The following LHFPL6 variants were observed in gnomAD, a reference collection of about 807,000 sequenced individuals.
LHFPL6 encodes LHFPL tetraspan subfamily member 6.
LHFPL6 carries 9 observed loss-of-function variants against 20.6 expected under a neutral mutation model. The observed-to-expected ratio is 0.44, with a 90% CI of 0.26 to 0.76. The LOEUF is 0.76. LHFPL6 is among the 30% of genes least tolerant of loss of function. The pLI is 0.20. For synonymous variants in LHFPL6, 105 were observed against 98.7 expected (o/e 1.06, Z -0.38); for missense variants, 218 against 253.5 (o/e 0.86, Z 0.95).
At chr13:39,475,311 A>C (rs866603261) in intron 2 of LHFPL6, among the ~76,000 whole-genome samples, 3 of 151,818 alleles carry the variant, frequency 2.0e-5, no homozygotes, top group African/African-American at 7.3e-5. Context: ...ACATGATCCT[A>C]ATCAGTTTAA....
intron 3 of LHFPL6, among the ~76,000 whole-genome samples, chr13:39,362,805 A>G (rs1408636220): frequency 1.3e-5 from 2 of 152,202 alleles, no homozygotes; most frequent in African/African-American, 4.8e-5. Flanking sequence ...AATTGAATCA[A>G]TTAAATAAAG....
intron 2 of LHFPL6, among the ~76,000 whole-genome samples, chr13:39,459,436 T>G (rs1188261312): frequency 6.6e-6 from 1 of 152,044 alleles, no homozygotes; most frequent in Non-Finnish European, 1.5e-5. Flanking sequence ...CTGATCACTG[T>G]GCCAGCTGCC....
At chr13:39,555,056 A>C (rs573747625) in intron 2 of LHFPL6, among the ~76,000 whole-genome samples, 1 of 152,214 alleles carries the variant, frequency 6.6e-6, no homozygotes, top group Non-Finnish European at 1.5e-5. Context: ...TTGCTCCATT[A>C]TCAAAAATAA....
intron 2 of LHFPL6, among the ~76,000 whole-genome samples, chr13:39,494,177 T>C (rs1248023543): frequency 2.0e-5 from 3 of 152,192 alleles, no homozygotes; most frequent in African/African-American, 7.2e-5. Context: ...GCTGAAGCAA[T>C]TACCCCTGTG....
chr13:39,503,490 C>T (rs1869367446), intron 2 of LHFPL6, among the ~76,000 whole-genome samples: 2 of 152,258 alleles, frequency 1.3e-5, no homozygotes, highest in Non-Finnish European at 2.9e-5. Flanking sequence ...TTTGCCATAG[C>T]ACAATCAGCT....
chr13:39,514,609 G>A (rs1869839378), intron 2 of LHFPL6, among the ~76,000 whole-genome samples: 1 of 152,174 alleles, frequency 6.6e-6, no homozygotes, highest in Non-Finnish European at 1.5e-5. Flanking sequence ...CTCCACCTGG[G>A]CAGTGCATTA....
In LHFPL6 at chr13:39,433,273, A is replaced by G. The variant is rs377115908; in HGVS notation, c.386-54747T>C. Among the ~76,000 whole-genome samples the G allele has an allele frequency of 1.2e-3, 190 of 152,362 alleles. 6 individuals are homozygous for G. The South Asian group carries it at 0.038, about 30-fold the overall frequency. ...ACCATGATGTATATTTAACTCTAGCAAACAAGTCAACCAATCAACTAAAAA... is the reference window on the plus strand; with the variant it reads ...ACCATGATGTATATTTAACTCTAGCGAACAAGTCAACCAATCAACTAAAAA... On this transcript the variant is annotated intron_variant, in intron 2 of 3. Coordinates refer to ENST00000379589, the MANE Select transcript of LHFPL6 (RefSeq NM_005780.3).
chr13:39,491,503 C>T (rs761162269), intron 2 of LHFPL6, among the ~76,000 whole-genome samples: 10 of 152,280 alleles, frequency 6.6e-5, no homozygotes, highest in Non-Finnish European at 1.5e-4. Flanking sequence ...GATAAACCAA[C>T]AGTTTTTAAT....
At chr13:39,396,659 G>C (rs1400702775) in intron 2 of LHFPL6, among the ~76,000 whole-genome samples, 1 of 152,140 alleles carries the variant, frequency 6.6e-6, no homozygotes, top group Non-Finnish European at 1.5e-5. Context: ...CCAGTGTGGT[G>C]GTGTGTGCCT....
At chr13:39,513,650 G>T (rs1402110200) in intron 2 of LHFPL6, among the ~76,000 whole-genome samples, 7 of 152,120 alleles carry the variant, frequency 4.6e-5, no homozygotes, top group Admixed American at 4.6e-4. Flanking sequence ...GCTTTTATAT[G>T]TTACCATAGT....
intron 2 of LHFPL6, among the ~76,000 whole-genome samples, chr13:39,547,040 T>G (rs991444306): frequency 1.3e-5 from 2 of 152,064 alleles, no homozygotes; most frequent in African/African-American, 4.8e-5. Context: ...TCCAATTTTC[T>G]GCCCTAACAG....
intron 3 of LHFPL6, among the ~76,000 whole-genome samples, chr13:39,348,439 C>A (rs1204918473): frequency 6.6e-6 from 1 of 152,132 alleles, no homozygotes. Flanking sequence ...CCGGGTGGAA[C>A]AAAGTCTGCA....
intron 2 of LHFPL6, among the ~76,000 whole-genome samples, chr13:39,490,758 TG>T (rs1255797531): frequency 3.9e-5 from 6 of 152,220 alleles, no homozygotes; most frequent in African/African-American, 1.4e-4. Context: ...AGGGGACAGC[TG>T]CTAAGGACAC....
intron 3 of LHFPL6, among the ~76,000 whole-genome samples, chr13:39,359,590 T>C (rs1869824509): frequency 6.6e-6 from 1 of 152,042 alleles, no homozygotes; most frequent in East Asian, 1.9e-4. Flanking sequence ...TGGATAAACA[T>C]GTACATAAAG....
rs150336372 is a variant in LHFPL6 at position 39,393,370 on chromosome 13, G to A, written c.386-14844C>T. ...AAGAATAATGCAGAAACAACCCAAA[G>A]ACAAGGCTATATTTGTGTCATGTTA... On this transcript the variant is annotated intron_variant, in intron 2 of 3. Coordinates refer to ENST00000379589, the MANE Select transcript of LHFPL6 (RefSeq NM_005780.3). Among the ~76,000 whole-genome samples, 127 of 152,274 alleles carry A rather than the reference G, an allele frequency of 8.3e-4. No homozygotes were observed. In the Middle Eastern group the frequency reaches 0.01, roughly 12 times the overall value.
At chr13:39,532,767 A>T (rs781032902) in intron 2 of LHFPL6, among the ~76,000 whole-genome samples, 5 of 152,200 alleles carry the variant, frequency 3.3e-5, no homozygotes, top group Non-Finnish European at 7.3e-5. Context: ...GGATTCCACA[A>T]AACATTACTA....
intron 2 of LHFPL6, among the ~76,000 whole-genome samples, chr13:39,430,912 C>G (rs538899145): frequency 1.2e-3 from 183 of 152,338 alleles, no homozygotes; most frequent in African/African-American, 3.9e-3. Context: ...AGGTCCCCTT[C>G]CACGCTGTTC....
At chr13:39,413,180 T>A (rs1392736999) in intron 2 of LHFPL6, among the ~76,000 whole-genome samples, 1 of 152,150 alleles carries the variant, frequency 6.6e-6, no homozygotes, top group Non-Finnish European at 1.5e-5. Flanking sequence ...AGAGATGATA[T>A]CTAATCAAAG....
At chr13:39,543,498 G>A (rs1425495265) in intron 2 of LHFPL6, among the ~76,000 whole-genome samples, 4 of 152,230 alleles carry the variant, frequency 2.6e-5, no homozygotes, top group African/African-American at 7.2e-5. Context: ...CATGAAGGAC[G>A]TTCCCTGGGG....
Sources: allele counts gnomAD v4.1 joint callset (sites outside exome capture counted in the v4.1 genomes callset), GRCh38; gene constraint gnomAD v4.1.1; transcripts MANE v1.5; gene names NCBI Gene and HGNC (gene_info 2026-07-23, HGNC 2026-07-21).